The following KLHL40 variants were observed in gnomAD, a reference collection of about 807,000 sequenced individuals.
KLHL40 encodes kelch like family member 40.
A neutral mutation model predicts 49.7 loss-of-function variants in KLHL40; 44 were observed. The observed-to-expected ratio is 0.89, with a 90% CI of 0.70 to 1.14. KLHL40 has a LOEUF of 1.14. KLHL40 is among the 50% of genes most tolerant of loss of function. KLHL40 has a pLI of 0.00. For missense variants in KLHL40, 892 were observed against 850.3 expected (o/e 1.05, Z -0.61); for synonymous variants, 409 against 365.2 (o/e 1.12, Z -1.37).
chr3:42,685,921 G>C lies in KLHL40; in HGVS notation c.303G>C (p.Val101=), dbSNP rs574760880. The C allele has an allele frequency of 6.2e-7, 1 of 1,611,752 alleles. No individual in the cohort carries two copies. The highest frequency in any genetic ancestry group is 2.2e-5 in the East Asian group (1 of 44,866). Reference sequence around the variant, plus strand: ...AGATCGCGCTGGATGAGGCGAGCGTGCAGGATTTGTTCGCCGCGGCACACC... The same window carrying C: ...AGATCGCGCTGGATGAGGCGAGCGTCCAGGATTTGTTCGCCGCGGCACACC... ...TSEIALDEAS[V]QDLFAAAHRF... Residue 101 remains valine (V), a synonymous_variant, in exon 1 of 6, where the codon GTG becomes GTC. Transcript: ENST00000287777.
chr3:42,691,960 G>A lies in KLHL40; in HGVS notation c.1833G>A (p.Val611=), dbSNP rs2125846559. ...CAGCAGGTGCCACCTTCCTACCAGT[G>A]CGGCTCAATGTGCTGTGCCTGACTA... ...AYAAGATFLP[V]RLNVLCLTKM Residue 611 remains valine (V), a synonymous_variant, in exon 6 of 6, where the codon GTG becomes GTA. Coordinates refer to ENST00000287777, the MANE Select transcript of KLHL40 (RefSeq NM_152393.4). 6.2e-7 allele frequency: 1 copy of A among 1,613,046 alleles called. No homozygotes were observed. The highest frequency in any genetic ancestry group is 8.5e-7 in the Non-Finnish European group (1 of 1,179,008).
In KLHL40 at chr3:42,688,293, A is replaced by G; in HGVS notation, c.1304A>G (p.Tyr435Cys). ...CGCTGCCTGGACTCGGTCATGTGCT[A>G]CGACAGGCTGTGAGCATGGCTGGGG... The part of the protein sequence containing the change: ...GERCLDSVMC[Y>C]DRLSFKWGES... Residue 435 changes from tyrosine to cysteine, a missense_variant, in exon 2 of 6, where the codon TAC becomes TGC. Transcript: ENST00000287777. This position sits in a 1 kb window ranked among gnomAD's most constrained non-coding sequence, Gnocchi z 4.2. 1 of 1,613,782 alleles carries G rather than the reference A, an allele frequency of 6.2e-7. No homozygotes were observed. The highest frequency in any genetic ancestry group is 8.5e-7 in the Non-Finnish European group (1 of 1,179,990).
Position 42,690,769 on chromosome 3 carries a change from T to C in KLHL40, c.1608-90T>C. 7.1e-6 allele frequency: 10 copies of C among 1,400,424 alleles called. No homozygotes were observed. The South Asian group carries it at 1.1e-4, about 15-fold the overall frequency. The allele number at this position is 1,400,424 out of a possible 1,614,324, so 86.7% of individuals were successfully genotyped here. ...TGCCTGGGACTTGGATTGCAAAGGG[T>C]TGCAGTTGGAGCTGTGGGTGCTGGG... On this transcript the variant is annotated intron_variant, in intron 4 of 5. Coordinates refer to ENST00000287777, the MANE Select transcript of KLHL40 (RefSeq NM_152393.4).
chr3:42,688,314 T>TGG lies in KLHL40; in HGVS notation c.1313+15_1313+16dup. 6.2e-7 allele frequency: 1 copy of TGG among 1,612,266 alleles called. No individual in the cohort carries two copies. The highest frequency in any genetic ancestry group is 1.3e-5 in the African/African-American group (1 of 74,360). On this transcript the variant is annotated intron_variant, in intron 2 of 5. Transcript: ENST00000287777. This position sits in a 1 kb window ranked among gnomAD's most constrained non-coding sequence, Gnocchi z 4.2. ...TGCTACGACAGGCTGTGAGCATGGC[T>TGG]GGGGTGGGGCTGAGCTCCGTGGGGG...
chr3:42,689,801 C>T (rs996685467), intron 4 of KLHL40, among the ~76,000 whole-genome samples: 3 of 151,938 alleles, frequency 2.0e-5, no homozygotes, highest in East Asian at 1.9e-4. Flanking sequence ...TCCTGGGGAT[C>T]GCCTTAAAGT....
intron 1 of KLHL40, among the ~76,000 whole-genome samples, chr3:42,687,422 G>T (rs956611971): frequency 1.3e-5 from 2 of 152,138 alleles, no homozygotes; most frequent in African/African-American, 4.8e-5. Flanking sequence ...GCTCAGGGAG[G>T]CCTGATCAGC....
At chr3:42,691,133 C>A (rs1483632948) in intron 5 of KLHL40, 128 bp downstream of exon 5, 22 of 936,594 alleles carry the variant, frequency 2.3e-5, no homozygotes, top group Non-Finnish European at 2.8e-5. Context: ...TCTAGGGAGT[C>A]CTGTAGGGAG....
At chr3:42,687,079 G>A (rs1697284385) in intron 1 of KLHL40, among the ~76,000 whole-genome samples, 1 of 152,250 alleles carries the variant, frequency 6.6e-6, no homozygotes, top group African/African-American at 2.4e-5. Flanking sequence ...AGCAAGGTCG[G>A]TGTGAGGATC....
rs377564295 is a variant in KLHL40 at position 42,686,111 on chromosome 3, C to T, written c.493C>T (p.Arg165Cys). ...CTGCGCTCACTTCACGCTGGTGGCG[C>T]GCGACGCTGACTTCCTCGGACTCTC... The part of the protein sequence containing the change: ...FICAHFTLVA[R>C]DADFLGLSAD... The change falls in exon 1 of 6, where the codon CGC (arginine) becomes TGC (cysteine). Residue 165 changes from arginine to cysteine, a missense_variant. Transcript: ENST00000287777. 6.2e-7 allele frequency: 1 copy of T among 1,600,482 alleles called. No individual in the cohort carries two copies. The highest frequency in any genetic ancestry group is 1.7e-5 in the Admixed American group (1 of 59,964).
rs780261738 is a variant in KLHL40, at chr3:42,690,867, C to T, written c.1616C>T (p.Pro539Leu). 8.7e-6 allele frequency: 14 copies of T among 1,606,208 alleles called. No individual in the cohort carries two copies. Among genetic ancestry groups the T allele is most frequent in the South Asian group, 1.1e-5 (1 of 90,206 alleles). Residue 539 changes from proline to leucine, a missense_variant, in exon 5 of 6, where the codon CCC (proline) becomes CTC (leucine). Pro to Leu is a moderately conservative substitution (Grantham distance 98). Transcript: ENST00000287777. ...TTCTCACACACCCCCAGGTGGGCACCCTTCGAGGCCTTCCCACAGGAGCGT... is the reference window on the plus strand; with the variant it reads ...TTCTCACACACCCCCAGGTGGGCACTCTTCGAGGCCTTCCCACAGGAGCGT... ...VYSITDNKWA[P>L]FEAFPQERSS...
chr3:42,690,744 T>C lies in KLHL40; in HGVS notation c.1608-115T>C, dbSNP rs339698. 68,681 of 1,112,984 alleles carry C rather than the reference T, an allele frequency of 0.062. 8,623 individuals carry two copies. The highest frequency in any genetic ancestry group is 0.48 in the African/African-American group (30,278 of 63,698). The allele number at this position is 1,112,984 out of a possible 1,614,324, so 68.9% of individuals were successfully genotyped here. On this transcript the variant is annotated intron_variant, in intron 4 of 5. Coordinates refer to ENST00000287777, the MANE Select transcript of KLHL40 (RefSeq NM_152393.4). ...AGGGGAATGGGGTTGGGGGCATGGG[T>C]GCCTGGGACTTGGATTGCAAAGGGT...
Position 42,685,979 on chromosome 3 carries a change from G to C in KLHL40, c.361G>C (p.Val121Leu), listed in dbSNP as rs201494537. ...GATCCCTTCCATCTTCACCATCTGCGTGTCCTTCCTGCAGAAGCGCCTGTG... is the reference window on the plus strand; with the variant it reads ...GATCCCTTCCATCTTCACCATCTGCCTGTCCTTCCTGCAGAAGCGCCTGTG... ...FQIPSIFTIC[V>L]SFLQKRLCLS... The change falls in exon 1 of 6, where the codon GTG becomes CTG. Residue 121 changes from valine (V) to leucine (L), a missense_variant. Physicochemically the swap from Val to Leu is conservative, Grantham distance 32 (BLOSUM62 1). Coordinates refer to ENST00000287777, the MANE Select transcript of KLHL40 (RefSeq NM_152393.4). 5.0e-6 allele frequency: 8 copies of C among 1,611,814 alleles called. No individual in the cohort carries two copies. In the East Asian group the frequency reaches 1.3e-4, roughly 27 times the overall value.
intron 5 of KLHL40, among the ~76,000 whole-genome samples, chr3:42,691,644 G>A (rs1697370842): frequency 6.6e-6 from 1 of 152,042 alleles, no homozygotes; most frequent in South Asian, 2.1e-4. Context: ...GAGGAATATG[G>A]GAACACCCCT....
At position 42,691,843 on chromosome 3, in the gene KLHL40, A is replaced by G. The variant is rs1402524880; in HGVS notation, c.1755-39A>G. 5.1e-6 allele frequency: 7 copies of G among 1,359,694 alleles called. 1 individual carries two copies. In the South Asian group the frequency reaches 7.0e-5, roughly 14 times the overall value. The allele number at this position is 1,359,694 out of a possible 1,614,324, so 84.2% of individuals were successfully genotyped here. A position where few individuals can be genotyped will look rare whatever the true frequency, so the allele number is the denominator to read the frequency against. On this transcript the variant is annotated intron_variant, in intron 5 of 5. Coordinates refer to ENST00000287777, the MANE Select transcript of KLHL40 (RefSeq NM_152393.4). ...CGTTCCACTCTGGACTCAGCTGACC[A>G]AGCTCTCCATCCTTGTCCCCACTCT...
intron 5 of KLHL40, 124 bp downstream of exon 5, chr3:42,691,129 G>A: frequency 1.0e-6 from 1 of 959,506 alleles, no homozygotes; most frequent in South Asian, 1.8e-5. Flanking sequence ...CTCTTCTAGG[G>A]AGTCCTGTAG....
chr3:42,690,775 T>A, intron 4 of KLHL40, 84 bp from the exon 5 acceptor site: 12 of 1,444,602 alleles, frequency 8.3e-6, no homozygotes, highest in Non-Finnish European at 1.1e-5. Context: ...AGGGTTGCAG[T>A]TGGAGCTGTG....
intron 5 of KLHL40, 109 bp from the exon 6 acceptor site, chr3:42,691,773 C>G (rs1697373826): frequency 1.4e-6 from 1 of 702,054 alleles, no homozygotes; most frequent in Non-Finnish European, 2.6e-6. Context: ...AGGAGCAGAT[C>G]TCCCTAGAGA....
At chr3:42,690,170 G>A (rs920559590) in intron 4 of KLHL40, among the ~76,000 whole-genome samples, 1 of 152,210 alleles carries the variant, frequency 6.6e-6, no homozygotes, top group African/African-American at 2.4e-5. Context: ...GTAGCACACG[G>A]AGGGGCCAAG....
In KLHL40 at chr3:42,688,041, G is replaced by C. The variant is rs539488571; in HGVS notation, c.1153-101G>C. 1.3e-5 allele frequency: 19 copies of C among 1,450,548 alleles called. No homozygotes were observed. The South Asian group carries it at 2.2e-4, about 17-fold the overall frequency. 89.9% of individuals were successfully genotyped at this position (1,450,548 alleles called of 1,614,324 possible). A position where few individuals can be genotyped will look rare whatever the true frequency, so the allele number is the denominator to read the frequency against. ...TCCAGGCTGTATTGGCCCTACCTGG[G>C]TTCCCGACCTCCTCCGTGATCTGGG... On this transcript the variant is annotated intron_variant, in intron 1 of 5. Transcript: ENST00000287777. The surrounding 1 kb of genome is among the most constrained non-coding windows in gnomAD (Gnocchi z 4.2).
Sources: allele counts gnomAD v4.1 joint callset (sites outside exome capture counted in the v4.1 genomes callset), GRCh38; gene constraint gnomAD v4.1.1; non-coding constraint Gnocchi (gnomAD v3.1); transcripts MANE v1.5; gene names NCBI Gene and HGNC (gene_info 2026-07-23, HGNC 2026-07-21).